FAM114A1: variants seen among roughly 807,000 people sequenced by gnomAD.
The protein encoded by FAM114A1 is family with sequence similarity 114 member A1.
FAM114A1 carries 62 observed loss-of-function variants against 64.3 expected under a neutral mutation model. That is an observed-to-expected ratio of 0.96 (90% confidence interval 0.79 to 1.19). The LOEUF is 1.19. Among genes scored for constraint, FAM114A1 ranks in the 50% most tolerant of loss-of-function variants. FAM114A1 has a pLI of 0.00. For missense variants in FAM114A1, 645 were observed against 676.3 expected (o/e 0.95, Z 0.51); for synonymous variants, 254 against 251.1 (o/e 1.01, Z -0.11).
chr4:38,938,385 C>G (rs535400787), intron 13 of FAM114A1: 1 of 152,198 alleles, frequency 6.6e-6, no homozygotes, highest in African/African-American at 2.4e-5. Flanking sequence ...AGCTACGCAC[C>G]GCCTATTCAT....
chr4:38,889,464 A>C (rs1053905484), intron 3 of FAM114A1, among the ~76,000 whole-genome samples: 5 of 152,136 alleles, frequency 3.3e-5, no homozygotes, highest in Non-Finnish European at 5.9e-5. Flanking sequence ...GTTTCTTCTT[A>C]TTATTTCTAG....
intron 8 of FAM114A1, among the ~76,000 whole-genome samples, chr4:38,921,420 G>C (rs1407712767): frequency 1.3e-5 from 2 of 152,058 alleles, no homozygotes; most frequent in Non-Finnish European, 2.9e-5. Flanking sequence ...AGCATTCCTG[G>C]CTAATTTTCT....
rs745801701 is a variant in FAM114A1, at chr4:38,932,266, C to T, written c.1355C>T (p.Ala452Val). The stretch of plus-strand genomic sequence containing the variant: ...TACATGTCGTCCATTGAAAGTCTGG[C>T]GGAGGTAACAGCGCGCTGTATTGAG... ...EVYMSSIESL[A>V]EVTARCIEQL... Residue 452 changes from alanine (A) to valine (V), a missense_variant, in exon 12 of 15, where the codon GCG becomes GTG. Ala to Val is a moderately conservative substitution (Grantham distance 64, BLOSUM62 0). Transcript: ENST00000358869. 43 of 1,608,444 alleles carry T rather than the reference C, an allele frequency of 2.7e-5. No individual in the cohort carries two copies. The highest frequency in any genetic ancestry group is 4.5e-5 in the East Asian group (2 of 44,850).
intron 6 of FAM114A1, among the ~76,000 whole-genome samples, chr4:38,906,882 G>GTCAT (rs147842452): frequency 1.7e-4 from 26 of 152,164 alleles, no homozygotes; most frequent in African/African-American, 2.4e-4. Context: ...GTCTCATTTA[G>GTCAT]TCATTCATTC....
rs1184439002 is a variant in FAM114A1, at chr4:38,945,016, AT to A, written c.*1463del. On this transcript the variant is annotated 3_prime_UTR_variant, in exon 15 of 15. Transcript: ENST00000358869. ...TGCATTTTCCTATACTCTTTACACT[AT>A]TTTATCCCAAACTATGTATATGAGG... 1 of 152,162 alleles carries A rather than the reference AT, an allele frequency of 6.6e-6. No homozygotes were observed. Among genetic ancestry groups the A allele is most frequent in the East Asian group, 1.9e-4 (1 of 5,200 alleles). The allele number at this position is 152,162 out of a possible 1,614,324, so 9.4% of individuals were successfully genotyped here.
chr4:38,910,314 A>G (rs968126850), intron 7 of FAM114A1, among the ~76,000 whole-genome samples: 15 of 152,176 alleles, frequency 9.9e-5, no homozygotes, highest in African/African-American at 3.1e-4. Context: ...TGAAAGAACA[A>G]CCACCCCTAA....
At chr4:38,891,353 T>G (rs1388777150) in intron 3 of FAM114A1, among the ~76,000 whole-genome samples, 1 of 132,616 alleles carries the variant, frequency 7.5e-6, no homozygotes, top group Non-Finnish European at 1.6e-5. Context: ...AAGAGCACAT[T>G]TTTTAAGCCC....
At chr4:38,887,614 G>A (rs1465648827) in intron 3 of FAM114A1, among the ~76,000 whole-genome samples, 2 of 152,134 alleles carry the variant, frequency 1.3e-5, no homozygotes, top group Non-Finnish European at 2.9e-5. Flanking sequence ...TTCAAAAACT[G>A]TCACTCTAAT....
rs1414629343 is a variant in FAM114A1 at position 38,931,445 on chromosome 4, C to T, written c.1162-6C>T. 2 of 1,604,230 alleles carry T rather than the reference C, an allele frequency of 1.2e-6. No homozygotes were observed. The highest frequency in any genetic ancestry group is 1.7e-6 in the Non-Finnish European group (2 of 1,177,294). ...AAAAGGATTGTTTGGTTGGGGACCT[C>T]TGCAGGCCATGAAGAGGGCTCATGA... On this transcript the variant is annotated splice_region_variant and splice_polypyrimidine_tract_variant and intron_variant, in intron 10 of 14. Transcript: ENST00000358869.
chr4:38,898,691 C>T (rs1717193323), intron 4 of FAM114A1, among the ~76,000 whole-genome samples: 1 of 152,056 alleles, frequency 6.6e-6, no homozygotes, highest in South Asian at 2.1e-4. Flanking sequence ...GGGAAGTAAG[C>T]ATCTGATTAC....
intron 4 of FAM114A1, among the ~76,000 whole-genome samples, chr4:38,894,601 T>A (rs1716734874): frequency 6.6e-6 from 1 of 152,146 alleles, no homozygotes; most frequent in Non-Finnish European, 1.5e-5. Context: ...AAAGATCAGA[T>A]TACAAAAGGA....
intron 12 of FAM114A1, among the ~76,000 whole-genome samples, chr4:38,935,275 C>G (rs549983416): frequency 1.3e-5 from 2 of 152,208 alleles, no homozygotes; most frequent in African/African-American, 4.8e-5. Flanking sequence ...ATAATATAAC[C>G]CATAAGGTCA....
chr4:38,880,095 A>AGTAG (rs3067657), intron 3 of FAM114A1, among the ~76,000 whole-genome samples: 1,594 of 96,474 alleles, frequency 0.017, 23 homozygotes, highest in Non-Finnish European at 0.02. Flanking sequence ...AAATAAAATA[A>AGTAG]AATAAAATAG....
rs112484537 is a variant in FAM114A1, at chr4:38,911,832, CT to C, written c.793-3078del. Among the ~76,000 whole-genome samples the C allele has an allele frequency of 3.2e-3, 391 of 121,182 alleles. 2 individuals are homozygous for C. Among genetic ancestry groups the C allele is most frequent in the South Asian group, 8.1e-3 (26 of 3,192 alleles). 79.5% of individuals were successfully genotyped at this position (121,182 alleles called of 152,430 possible). ...TACTCTTTCTTTTTCTTTCTTTCTT[CT>C]TTTTTTTTTTCTTTTTTTTTCTTTT... On this transcript the variant is annotated intron_variant, in intron 7 of 14. Transcript: ENST00000358869.
chr4:38,885,799 G>A (rs916258425), intron 3 of FAM114A1, among the ~76,000 whole-genome samples: 19 of 152,154 alleles, frequency 1.2e-4, no homozygotes, highest in African/African-American at 3.6e-4. Flanking sequence ...CCTGGACTGT[G>A]CATATTTTAT....
intron 8 of FAM114A1, among the ~76,000 whole-genome samples, chr4:38,915,744 G>GGTGTGTGT (rs58018099): frequency 5.1e-4 from 71 of 139,218 alleles, no homozygotes; most frequent in Non-Finnish European, 7.4e-4. Context: ...CATCTATAGT[G>GGTGTGTGT]GTGTGTGTGT....
chr4:38,929,685 G>A (rs537700568), intron 10 of FAM114A1, among the ~76,000 whole-genome samples: 2 of 152,252 alleles, frequency 1.3e-5, no homozygotes, highest in African/African-American at 4.8e-5. Flanking sequence ...ACTGAGGCAA[G>A]AGAATCGCTT....
At position 38,908,694 on chromosome 4, in the gene FAM114A1, A is replaced by T. The variant is rs1718252793; in HGVS notation, c.760A>T (p.Thr254Ser). 3 of 1,612,396 alleles carry T rather than the reference A, an allele frequency of 1.9e-6. No homozygotes were observed. Among genetic ancestry groups the T allele is most frequent in the Non-Finnish European group, 2.5e-6 (3 of 1,178,810 alleles). Reference sequence around the variant, plus strand: ...TGACCCGGGCTTTAAGCGGACCAAGACGCTCATGGAGAGAACTGTTTCCTT... The same window carrying T: ...TGACCCGGGCTTTAAGCGGACCAAGTCGCTCATGGAGAGAACTGTTTCCTT... Reference protein sequence around the residue: ...ESDPGFKRTKTLMERTVSLSQ... With the variant: ...ESDPGFKRTKSLMERTVSLSQ... The change falls in exon 7 of 15, where the codon ACG (threonine) becomes TCG (serine). Residue 254 changes from threonine to serine, a missense_variant. By Grantham distance (58) the Thr-to-Ser change is moderately conservative (BLOSUM62 1). Transcript: ENST00000358869.
intron 9 of FAM114A1, among the ~76,000 whole-genome samples, chr4:38,926,433 T>C (rs1720094512): frequency 6.6e-6 from 1 of 150,832 alleles, no homozygotes. Flanking sequence ...TCTAGCTCTC[T>C]AGCTCTGTCT....
Sources: gnomAD v4.1 joint callset for allele counts (sites outside exome capture counted in the v4.1 genomes callset) on GRCh38, gnomAD v4.1.1 for gene constraint, MANE v1.5 for transcripts, NCBI Gene and HGNC (gene_info 2026-07-23, HGNC 2026-07-21) for gene names.